The following NEK11 variants were observed in gnomAD, a reference collection of about 807,000 sequenced individuals.
The protein encoded by NEK11 is NIMA related kinase 11, also known as serine/threonine-protein kinase Nek11.
In NEK11, 72 loss-of-function variants were observed where a neutral mutation model predicts 80.7. The observed-to-expected ratio is 0.89, with a 90% confidence interval of 0.74 to 1.08. NEK11 has a LOEUF of 1.08. NEK11 is among the 50% of genes least tolerant of loss of function. The probability of loss-of-function intolerance (pLI) is 0.00; values close to 1 mark genes in which losing one functional copy is unlikely to be tolerated. For missense variants in NEK11, 764 were observed against 763.6 expected, an observed-to-expected ratio of 1.00 and a Z score of -0.01; for synonymous variants, 251 against 260.7, an observed-to-expected ratio of 0.96 and a Z score of 0.36.
intron 3 of NEK11, among the ~76,000 whole-genome samples, chr3:131,042,152 G>A (rs2066599748): frequency 6.6e-6 from 1 of 152,098 alleles, no homozygotes; most frequent in South Asian, 2.1e-4. Context: ...TGGGTTTCAA[G>A]CACAAAACTG....
At chr3:131,130,518 A>G (rs1490552614) in intron 5 of NEK11, among the ~76,000 whole-genome samples, 1 of 152,146 alleles carries the variant, frequency 6.6e-6, no homozygotes, top group Non-Finnish European at 1.5e-5. Flanking sequence ...TGTTCCTGAT[A>G]TCAGCAGAAA....
intron 14 of NEK11, among the ~76,000 whole-genome samples, chr3:131,215,705 C>T (rs2094812332): frequency 6.6e-6 from 1 of 152,216 alleles, no homozygotes; most frequent in East Asian, 1.9e-4. Flanking sequence ...GCTACATCCA[C>T]AACTGTGAGA....
intron 15 of NEK11, among the ~76,000 whole-genome samples, chr3:131,234,772 T>G (rs2095401522): frequency 6.9e-6 from 1 of 145,394 alleles, no homozygotes; most frequent in East Asian, 2.0e-4. Context: ...GTGGGGTTTG[T>G]TTTTTTTTTT....
intron 14 of NEK11, among the ~76,000 whole-genome samples, chr3:131,189,325 T>C (rs1283840400): frequency 6.6e-6 from 1 of 152,230 alleles, no homozygotes; most frequent in Non-Finnish European, 1.5e-5. Flanking sequence ...CAGGCTGTTG[T>C]AACAAAATAC....
chr3:131,318,836 A>C (rs994752950), intron 17 of NEK11, among the ~76,000 whole-genome samples: 6 of 151,618 alleles, frequency 4.0e-5, no homozygotes, highest in Non-Finnish European at 8.8e-5. Context: ...ATTTTGGTAG[A>C]AATTTGAATA....
intron 10 of NEK11, among the ~76,000 whole-genome samples, chr3:131,160,692 A>G (rs2091423464): frequency 6.6e-6 from 1 of 152,230 alleles, no homozygotes; most frequent in Admixed American, 6.5e-5. Context: ...CATCTCACAT[A>G]CAATGGCACA....
chr3:131,198,779 CCTT>C (rs1439824749), intron 14 of NEK11, among the ~76,000 whole-genome samples: 1 of 152,182 alleles, frequency 6.6e-6, no homozygotes, highest in Non-Finnish European at 1.5e-5. Context: ...TGGGTTAGGG[CCTT>C]CTTTAGAGCC....
At chr3:131,219,884 T>C (rs1471466563) in intron 14 of NEK11, among the ~76,000 whole-genome samples, 1 of 152,132 alleles carries the variant, frequency 6.6e-6, no homozygotes, top group African/African-American at 2.4e-5. Context: ...GCATTGATAG[T>C]AGCCACTACA....
At chr3:131,278,638 G>A (rs1390328552) in intron 17 of NEK11, among the ~76,000 whole-genome samples, 3 of 152,206 alleles carry the variant, frequency 2.0e-5, no homozygotes, top group Non-Finnish European at 2.9e-5. Context: ...CCAAAAAGGA[G>A]ACCCTGTGGA....
At chr3:131,153,749 G>A (rs2090125291) in intron 9 of NEK11, among the ~76,000 whole-genome samples, 1 of 152,152 alleles carries the variant, frequency 6.6e-6, no homozygotes, top group South Asian at 2.1e-4. Context: ...AAAGGAACAG[G>A]TATGTTTCCT....
At chr3:131,157,385 A>T (rs751117918) in intron 10 of NEK11, among the ~76,000 whole-genome samples, 1 of 152,130 alleles carries the variant, frequency 6.6e-6, no homozygotes, top group Admixed American at 6.6e-5. Flanking sequence ...TGGGAGTGTG[A>T]TCATTGTCCA....
chr3:131,084,309 A>C (rs779323972), intron 4 of NEK11, among the ~76,000 whole-genome samples: 3 of 152,154 alleles, frequency 2.0e-5, no homozygotes, highest in Non-Finnish European at 4.4e-5. Context: ...AGAAGTTAGC[A>C]CTCAAGATAT....
At chr3:131,258,108 A>G (rs2095848614) in intron 16 of NEK11, among the ~76,000 whole-genome samples, 1 of 149,008 alleles carries the variant, frequency 6.7e-6, no homozygotes, top group African/African-American at 2.5e-5. Flanking sequence ...TATAAGTGGG[A>G]GCTAAGCTGT....
chr3:131,092,377 C>A (rs1320475821), intron 4 of NEK11, among the ~76,000 whole-genome samples: 1 of 152,032 alleles, frequency 6.6e-6, no homozygotes, highest in East Asian at 1.9e-4. Flanking sequence ...GAGGATAATA[C>A]TAAGAGAGTG....
intron 11 of NEK11, 94 bp from the exon 12 acceptor site, chr3:131,165,322 TCCCCCAGTCA>T: frequency 1.4e-6 from 1 of 710,604 alleles, no homozygotes; most frequent in Admixed American, 2.5e-5. Flanking sequence ...GGCTTTCTAA[TCCCCCAGTCA>T]GTCTGTTGAA....
At chr3:131,155,514 G>A (rs902648363) in intron 10 of NEK11, among the ~76,000 whole-genome samples, 1 of 152,084 alleles carries the variant, frequency 6.6e-6, no homozygotes. Context: ...AAAACATTGT[G>A]GAGTCCTGAG....
At chr3:131,273,141 G>T (rs559572530) in intron 16 of NEK11, among the ~76,000 whole-genome samples, 1 of 152,270 alleles carries the variant, frequency 6.6e-6, no homozygotes, top group South Asian at 2.1e-4. Context: ...AATGGCCAAA[G>T]GGTCCTCAGG....
intron 6 of NEK11, among the ~76,000 whole-genome samples, chr3:131,133,526 A>G (rs927552852): frequency 6.6e-6 from 1 of 152,148 alleles, no homozygotes; most frequent in South Asian, 2.1e-4. Context: ...TCTGTTTGCC[A>G]TTATTCAGAC....
chr3:131,299,802 G>T (rs745579057), intron 17 of NEK11, among the ~76,000 whole-genome samples: 2 of 152,098 alleles, frequency 1.3e-5, no homozygotes, highest in African/African-American at 2.4e-5. Flanking sequence ...TTGATTCTAT[G>T]TCTTTGCTTT....
Sources: allele counts gnomAD v4.1 joint callset (sites outside exome capture counted in the v4.1 genomes callset), GRCh38; gene constraint gnomAD v4.1.1; transcripts MANE v1.5; gene names NCBI Gene and HGNC (gene_info 2026-07-23, HGNC 2026-07-21).